The following CNOT10 variants were observed in gnomAD, a reference collection of about 807,000 sequenced individuals.
The protein encoded by CNOT10 is CCR4-NOT transcription complex, subunit 10.
A neutral mutation model predicts 94.6 loss-of-function variants in CNOT10; 30 were observed. The ratio of observed to expected loss-of-function variants is 0.32; its 90% CI spans 0.24 to 0.43. The LOEUF (loss-of-function observed/expected upper bound fraction) is 0.43. Among genes scored for constraint, CNOT10 ranks in the 20% least tolerant of loss-of-function variants. CNOT10 has a pLI of 1.00. For synonymous variants in CNOT10, 289 were observed against 301.6 expected (o/e 0.96, Z 0.43); for missense variants, 759 against 877.2 (o/e 0.87, Z 1.70).
In CNOT10 at chr3:32,704,880, A is replaced by G; in HGVS notation, c.187A>G (p.Ile63Val). The G allele has an allele frequency of 6.3e-7, 1 of 1,576,350 alleles. No homozygotes were observed. The highest frequency in any genetic ancestry group is 8.6e-7 in the Non-Finnish European group (1 of 1,168,884). The change falls in exon 3 of 19, where the codon ATA becomes GTA. Residue 63 changes from isoleucine to valine, a missense_variant. Ile to Val is a conservative substitution (Grantham distance 29, BLOSUM62 3). Coordinates refer to ENST00000328834, the MANE Select transcript of CNOT10 (RefSeq NM_015442.3). Reference sequence around the variant, plus strand: ...AGATATAAACAAAGATGATTATAAAATAATTTTGAATACAGCAGTAGCTGA... The same window carrying G: ...AGATATAAACAAAGATGATTATAAAGTAATTTTGAATACAGCAGTAGCTGA... ...LQDINKDDYK[I>V]ILNTAVAEFF...
chr3:32,740,024 G>A (rs932020237), intron 13 of CNOT10, among the ~76,000 whole-genome samples: 1 of 152,190 alleles, frequency 6.6e-6, no homozygotes, highest in African/African-American at 2.4e-5. Context: ...TTAAGCCCTG[G>A]AGGTCATGGC....
intron 1 of CNOT10, among the ~76,000 whole-genome samples, chr3:32,700,977 CA>C (rs1395197585): frequency 2.0e-5 from 3 of 152,172 alleles, no homozygotes; most frequent in Non-Finnish European, 4.4e-5. Context: ...GAAAACTTAA[CA>C]TTAAAAATGA....
rs75336038 is a variant in CNOT10, at chr3:32,693,200, G to T, written c.22+7718G>T. On this transcript the variant is annotated intron_variant, in intron 1 of 18. Coordinates refer to ENST00000328834, the MANE Select transcript of CNOT10 (RefSeq NM_015442.3). ...TGACCTATGTTTGATATTTAAAGTGGTTTTTTTTCTTTTTTAAATTTAATT... is the reference window on the plus strand; with the variant it reads ...TGACCTATGTTTGATATTTAAAGTGTTTTTTTTTCTTTTTTAAATTTAATT... Among the ~76,000 whole-genome samples the T allele has an allele frequency of 2.8e-3, 429 of 151,900 alleles. 4 individuals carry two copies. Among genetic ancestry groups the T allele is most frequent in the African/African-American group, 9.5e-3 (395 of 41,444 alleles).
chr3:32,725,329 T>G, intron 8 of CNOT10, 121 bp from the exon 9 acceptor site: 1 of 771,776 alleles, frequency 1.3e-6, no homozygotes, highest in South Asian at 1.5e-5. Context: ...TTGTGAACTG[T>G]TCTTTAGGGA....
chr3:32,728,917 A>G (rs1043230539), intron 10 of CNOT10, among the ~76,000 whole-genome samples: 20 of 152,098 alleles, frequency 1.3e-4, no homozygotes, highest in Admixed American at 1.2e-3. Context: ...TGGCTAACAC[A>G]GTGAAACCCC....
chr3:32,703,955 CT>C lies in CNOT10; in HGVS notation c.113del (p.Phe38SerfsTer19), dbSNP rs761232256. On this transcript the variant is annotated frameshift_variant, in exon 2 of 19. Coordinates refer to ENST00000328834, the MANE Select transcript of CNOT10 (RefSeq NM_015442.3). LOFTEE classifies it high-confidence loss of function. ...EKELSTNAFQ[A>X]FTSGNYDACL... ...GAGTTATCCACCAATGCTTTCCAAG[CT>C]TTCACAGTAAGAAATGGCTTCTCTT... 1 of 1,607,750 alleles carries C rather than the reference CT, an allele frequency of 6.2e-7. No individual in the cohort carries two copies. Among genetic ancestry groups the C allele is most frequent in the Admixed American group, 1.7e-5 (1 of 59,962 alleles).
chr3:32,714,140 G>A (rs943747827), intron 5 of CNOT10, among the ~76,000 whole-genome samples: 1 of 152,100 alleles, frequency 6.6e-6, no homozygotes, highest in African/African-American at 2.4e-5. Context: ...GGCCACTTGT[G>A]AGGTTGTAAT....
At chr3:32,689,807 T>G (rs1696776513) in intron 1 of CNOT10, among the ~76,000 whole-genome samples, 1 of 151,954 alleles carries the variant, frequency 6.6e-6, no homozygotes, top group Admixed American at 6.6e-5. Flanking sequence ...AAAAAAAAAT[T>G]AGCTAGGCAT....
chr3:32,773,745 C>A lies in CNOT10; in HGVS notation c.*134C>A. On this transcript the variant is annotated 3_prime_UTR_variant, in exon 19 of 19. Transcript: ENST00000328834. ...AGTCAATTCTACCCCTGACATTTGG[C>A]CAAAAGCTTACTTAAAATTAAGGAT... The A allele has an allele frequency of 1.2e-6, 1 of 819,044 alleles. No homozygotes were observed. Among genetic ancestry groups the A allele is most frequent in the Non-Finnish European group, 1.8e-6 (1 of 562,198 alleles). The allele number at this position is 819,044 out of a possible 1,614,324, so 50.7% of individuals were successfully genotyped here.
At chr3:32,722,289 G>A (rs1275720488) in intron 8 of CNOT10, among the ~76,000 whole-genome samples, 1 of 152,116 alleles carries the variant, frequency 6.6e-6, no homozygotes, top group East Asian at 1.9e-4. Context: ...ATGGAGGATG[G>A]AGAAAGGCAC....
At chr3:32,735,336 C>G (rs1699138952) in intron 12 of CNOT10, among the ~76,000 whole-genome samples, 1 of 150,632 alleles carries the variant, frequency 6.6e-6, no homozygotes, top group Non-Finnish European at 1.5e-5. Context: ...CAGAGTGAGA[C>G]TTCATCTCAA....
intron 7 of CNOT10, among the ~76,000 whole-genome samples, chr3:32,718,986 C>A (rs532494193): frequency 6.6e-6 from 1 of 152,156 alleles, no homozygotes; most frequent in African/African-American, 2.4e-5. Flanking sequence ...CATGGTGGCT[C>A]ACGCCTGTAA....
chr3:32,715,273 T>C (rs957681579), intron 5 of CNOT10, among the ~76,000 whole-genome samples: 14 of 152,088 alleles, frequency 9.2e-5, no homozygotes, highest in African/African-American at 3.4e-4. Context: ...TTCAAAGGAA[T>C]TTGGATGTTT....
intron 5 of CNOT10, among the ~76,000 whole-genome samples, chr3:32,715,378 A>G (rs1032726942): frequency 3.3e-5 from 5 of 152,222 alleles, no homozygotes; most frequent in African/African-American, 4.8e-5. Flanking sequence ...CACAAAAGGT[A>G]TGAGCTTAAT....
intron 10 of CNOT10, among the ~76,000 whole-genome samples, chr3:32,732,410 T>TA (rs1042025618): frequency 6.6e-6 from 1 of 151,012 alleles, no homozygotes; most frequent in South Asian, 2.1e-4. Context: ...ACCCTGTCTC[T>TA]AAAAAAAATA....
Position 32,688,467 on chromosome 3 carries a change from C to T in CNOT10, c.22+2985C>T, listed in dbSNP as rs1470427831. Among the ~76,000 whole-genome samples the T allele has an allele frequency of 2.0e-5, 3 of 152,126 alleles. No individual in the cohort carries two copies. In the East Asian group the frequency reaches 5.8e-4, roughly 29 times the overall value. On this transcript the variant is annotated intron_variant, in intron 1 of 18. Transcript: ENST00000328834. ...CAAAAATTAGCCAGGCATGCTGGCG[C>T]ACACCTGTAATCCCAGCTAGCTGGG...
intron 18 of CNOT10, among the ~76,000 whole-genome samples, chr3:32,772,488 C>G (rs1052879920): frequency 2.0e-5 from 3 of 152,048 alleles, no homozygotes; most frequent in Non-Finnish European, 4.4e-5. Flanking sequence ...AGTCACTGCA[C>G]TCCAGCCTGG....
At chr3:32,720,861 C>T (rs2125549439) in intron 8 of CNOT10, among the ~76,000 whole-genome samples, 1 of 145,230 alleles carries the variant, frequency 6.9e-6, no homozygotes, top group Middle Eastern at 3.4e-3. Flanking sequence ...CCCTTCCTCC[C>T]TTCCCTCCTT....
Position 32,716,629 on chromosome 3 carries a change from C to G in CNOT10, c.660+318C>G, listed in dbSNP as rs578009410. 2.6e-5 allele frequency among the ~76,000 whole-genome samples: 4 copies of G among 151,958 alleles called. No homozygotes were observed. The East Asian group carries it at 7.7e-4, about 29-fold the overall frequency. ...AGAAGAGGATTGATAGGATTTTTGC[C>G]CGGAACTTGAGTATTTAAGTTTTTT... On this transcript the variant is annotated intron_variant, in intron 6 of 18. Coordinates refer to ENST00000328834, the MANE Select transcript of CNOT10 (RefSeq NM_015442.3).
Sources: allele counts gnomAD v4.1 joint callset (sites outside exome capture counted in the v4.1 genomes callset), GRCh38; gene constraint gnomAD v4.1.1; transcripts MANE v1.5; gene names NCBI Gene and HGNC (gene_info 2026-07-23, HGNC 2026-07-21).